The following CYP2C8 variants were observed in gnomAD, a reference collection of about 807,000 sequenced individuals.
CYP2C8 encodes the protein cytochrome P450 2C8.
In CYP2C8, 51 loss-of-function variants were observed where a neutral mutation model predicts 41.3. The observed-to-expected ratio is 1.24, with a 90% CI of 0.99 to 1.56. The LOEUF (loss-of-function observed/expected upper bound fraction) is 1.56. CYP2C8 is among the 40% of genes most tolerant of loss of function. CYP2C8 has a pLI of 0.00. For missense variants in CYP2C8, 651 were observed against 579.9 expected (o/e 1.12, Z -1.26); for synonymous variants, 218 against 205.8 (o/e 1.06, Z -0.51).
chr10:95,069,062 C>CAAA, intron 1 of CYP2C8, 173 bp downstream of exon 1: 24 of 650,536 alleles, frequency 3.7e-5, no homozygotes, highest in Admixed American at 5.6e-5. Flanking sequence ...GACTCCGTCT[C>CAAA]AAAAAAAAAA....
chr10:95,058,750 C>T (rs754383378), intron 4 of CYP2C8, among the ~76,000 whole-genome samples: 1 of 152,030 alleles, frequency 6.6e-6, no homozygotes, highest in African/African-American at 2.4e-5. Context: ...CCCAATAACT[C>T]GTCATATACA....
intron 5 of CYP2C8, among the ~76,000 whole-genome samples, chr10:95,055,368 T>C (rs1323396657): frequency 2.0e-5 from 3 of 151,730 alleles, no homozygotes; most frequent in Non-Finnish European, 2.9e-5. Flanking sequence ...CAAAAAAAAA[T>C]AAATAAATAA....
intron 4 of CYP2C8, among the ~76,000 whole-genome samples, chr10:95,062,401 T>C (rs535900201): frequency 6.6e-6 from 1 of 152,336 alleles, no homozygotes; most frequent in Non-Finnish European, 1.5e-5. Flanking sequence ...GTAATGGCCT[T>C]CTTTGTCTCT....
chr10:95,044,733 A>G (rs1290968935), intron 6 of CYP2C8, among the ~76,000 whole-genome samples: 3 of 152,084 alleles, frequency 2.0e-5, no homozygotes, highest in Non-Finnish European at 4.4e-5. Flanking sequence ...GTGGGAAAAA[A>G]TCAGGTACCT....
intron 7 of CYP2C8, among the ~76,000 whole-genome samples, chr10:95,041,750 C>T (rs560310203): frequency 1.8e-4 from 26 of 142,344 alleles, no homozygotes; most frequent in South Asian, 1.3e-3. Flanking sequence ...CACTGCAGTC[C>T]GCAGTCCAGC....
intron 3 of CYP2C8, among the ~76,000 whole-genome samples, chr10:95,066,154 G>GAGAGAGAGAC: frequency 2.8e-5 from 1 of 35,606 alleles, no homozygotes; most frequent in South Asian, 9.9e-4. Context: ...GAGAGAGAGA[G>GAGAGAGAGAC]TGTGTGTGTG....
intron 7 of CYP2C8, among the ~76,000 whole-genome samples, chr10:95,042,487 GA>G (rs1456943400): frequency 6.6e-6 from 1 of 152,104 alleles, no homozygotes; most frequent in East Asian, 1.9e-4. Context: ...CCACTGCACT[GA>G]AAATAAGACA....
Position 95,064,883 on chromosome 10 carries a change from A to G in CYP2C8, c.559T>C (p.Phe187Leu). The G allele has an allele frequency of 1.2e-6, 2 of 1,613,956 alleles. No homozygotes were observed. The highest frequency in any genetic ancestry group is 1.7e-6 in the Non-Finnish European group (2 of 1,179,996). Residue 187 changes from phenylalanine to leucine, a missense_variant, in exon 4 of 9, where the codon TTT (phenylalanine) becomes CTT (leucine). Transcript: ENST00000371270. ...AGAAAATTCTGATCTTTATAATCAA[A>G]TCGTTTCTGGAAAACAACGGAGCAG... ...VICSVVFQKRFDYKDQNFLTL... is the reference protein window; with the variant it reads ...VICSVVFQKRLDYKDQNFLTL...
intron 1 of CYP2C8, 81 bp from the exon 2 acceptor site, chr10:95,067,772 A>G (rs2134443052): frequency 1.4e-6 from 2 of 1,392,298 alleles, no homozygotes; most frequent in East Asian, 2.4e-5. Context: ...TGACATTTTC[A>G]TTGTATTTTT....
At chr10:95,063,683 G>C (rs191716364) in intron 4 of CYP2C8, among the ~76,000 whole-genome samples, 1 of 152,330 alleles carries the variant, frequency 6.6e-6, no homozygotes, top group East Asian at 1.9e-4. Context: ...TGCTGGTGAG[G>C]AGCTGCATTC....
intron 7 of CYP2C8, chr10:95,041,038 CA>C (rs1473820097): frequency 2.2e-6 from 1 of 453,690 alleles, no homozygotes; most frequent in Non-Finnish European, 4.4e-6. Flanking sequence ...CAATAAGTAA[CA>C]GAACAAATCC....
At chr10:95,042,716 G>T (rs1589437067) in intron 7 of CYP2C8, among the ~76,000 whole-genome samples, 174 bp downstream of exon 7, 2 of 152,186 alleles carry the variant, frequency 1.3e-5, no homozygotes, top group South Asian at 4.1e-4. Flanking sequence ...CTATTAAGGA[G>T]ACCTAGCTTT....
At chr10:95,055,064 C>T (rs1343952017) in intron 5 of CYP2C8, among the ~76,000 whole-genome samples, 1 of 152,008 alleles carries the variant, frequency 6.6e-6, no homozygotes, top group Non-Finnish European at 1.5e-5. Context: ...CAAAAGTAAT[C>T]TAAAGATTGA....
chr10:95,062,993 TC>T (rs1382886027), intron 4 of CYP2C8, among the ~76,000 whole-genome samples: 1 of 152,254 alleles, frequency 6.6e-6, no homozygotes. Flanking sequence ...TTGTAGAGTT[TC>T]TGCCGAGAGA....
intron 5 of CYP2C8, among the ~76,000 whole-genome samples, chr10:95,051,823 T>A (rs1344353700): frequency 6.6e-6 from 1 of 152,036 alleles, no homozygotes; most frequent in Non-Finnish European, 1.5e-5. Flanking sequence ...AAAGTGGTAC[T>A]AAGAATAAAG....
chr10:95,066,153 A>AGT (rs113983526), intron 3 of CYP2C8, among the ~76,000 whole-genome samples: 942 of 88,230 alleles, frequency 0.011, 2 homozygotes, highest in Non-Finnish European at 0.014. Flanking sequence ...AGAGAGAGAG[A>AGT]GTGTGTGTGT....
At chr10:95,058,267 A>G in intron 5 of CYP2C8, 68 bp downstream of exon 5, 1 of 1,595,364 alleles carries the variant, frequency 6.3e-7, no homozygotes, top group Non-Finnish European at 8.6e-7. Flanking sequence ...TTAGTAAATT[A>G]CAGAAGGATT....
chr10:95,069,183 G>A (rs541244960), intron 1 of CYP2C8, 52 bp downstream of exon 1: 4 of 1,603,572 alleles, frequency 2.5e-6, no homozygotes, highest in South Asian at 1.1e-5. Flanking sequence ...AAAAATAGCA[G>A]TCAAATAACT....
At chr10:95,067,814 T>G in intron 1 of CYP2C8, 123 bp from the exon 2 acceptor site, 1 of 1,060,294 alleles carries the variant, frequency 9.4e-7, no homozygotes, top group Non-Finnish European at 1.4e-6. Flanking sequence ...ATAGATTCGA[T>G]ATTTCTGAAT....
Sources: allele counts gnomAD v4.1 joint callset (sites outside exome capture counted in the v4.1 genomes callset), GRCh38; gene constraint gnomAD v4.1.1; transcripts MANE v1.5; gene names NCBI Gene and HGNC (gene_info 2026-07-23, HGNC 2026-07-21).